Variants in PLEKHA7 observed in about 807,000 individuals in gnomAD.
PLEKHA7 encodes the protein pleckstrin homology domain-containing family A member 7.
In PLEKHA7, 104 loss-of-function variants were observed where a neutral mutation model predicts 170.0. That is an observed-to-expected ratio of 0.61 (90% CI 0.52 to 0.72). The LOEUF (loss-of-function observed/expected upper bound fraction) is 0.72, where lower values mean the gene tolerates loss of function less well. PLEKHA7 is among the 30% of genes least tolerant of loss of function. The probability of loss-of-function intolerance (pLI) is 0.00; values close to 1 mark genes in which losing one functional copy is unlikely to be tolerated. For missense variants in PLEKHA7, 1,615 were observed against 1,671.7 expected (o/e 0.97, Z 0.59); for synonymous variants, 648 against 660.8 (o/e 0.98, Z 0.30).
At chr11:16,962,845 G>GCAA (rs1184241581) in intron 3 of PLEKHA7, among the ~76,000 whole-genome samples, 1 of 152,124 alleles carries the variant, frequency 6.6e-6, no homozygotes, top group African/African-American at 2.4e-5. Context: ...TCTCCCAGAA[G>GCAA]CAACAACAAC....
Position 16,817,276 on chromosome 11 carries a change from G to C in PLEKHA7, c.1390C>G (p.Leu464Val), listed in dbSNP as rs1298122509. ...GTCTGGTAGTTTTCTGGGAAGGACAGGGATTGGCCAGGACCCTGGCGAGGA... is the reference window on the plus strand; with the variant it reads ...GTCTGGTAGTTTTCTGGGAAGGACACGGATTGGCCAGGACCCTGGCGAGGA... ...TLPRQGPGQS[L>V]SFPENYQTLP... The change falls in exon 11 of 27, where the codon CTG becomes GTG. Residue 464 changes from leucine (L) to valine (V), a missense_variant. By Grantham distance (32) the Leu-to-Val change is conservative (BLOSUM62 1). Transcript: ENST00000531066. The surrounding 1 kb of genome is among the most constrained non-coding windows in gnomAD (Gnocchi z 4.4). The C allele has an allele frequency of 6.2e-7, 1 of 1,613,250 alleles. No homozygotes were observed. Among genetic ancestry groups the C allele is most frequent in the Non-Finnish European group, 8.5e-7 (1 of 1,180,034 alleles).
chr11:16,839,071 A>G (rs1484978864), intron 9 of PLEKHA7, among the ~76,000 whole-genome samples: 1 of 152,200 alleles, frequency 6.6e-6, no homozygotes, highest in Admixed American at 6.5e-5. Flanking sequence ...TGAAAGACTC[A>G]CACATGCAGA....
intron 9 of PLEKHA7, among the ~76,000 whole-genome samples, chr11:16,826,967 G>T (rs1328922554): frequency 2.6e-5 from 4 of 152,190 alleles, no homozygotes; most frequent in Non-Finnish European, 5.9e-5. Flanking sequence ...ACAGTGACTG[G>T]TATGGAATAG....
chr11:16,994,281 T>C (rs1864212200), intron 3 of PLEKHA7, among the ~76,000 whole-genome samples: 1 of 152,216 alleles, frequency 6.6e-6, no homozygotes. Context: ...CCCTGGTGTC[T>C]GAGTGGAAGT....
At chr11:17,005,565 G>A (rs546282066) in intron 3 of PLEKHA7, among the ~76,000 whole-genome samples, 5 of 152,068 alleles carry the variant, frequency 3.3e-5, no homozygotes, top group African/African-American at 1.2e-4. Context: ...AGAGAGAATG[G>A]AGAGGGTGCC....
In PLEKHA7 at chr11:16,790,817, G is replaced by A. The variant is rs776685027; in HGVS notation, c.3033C>T (p.Tyr1011=). Residue 1011 remains tyrosine (Y), a synonymous_variant, in exon 21 of 27, where the codon TAC becomes TAT. Transcript: ENST00000531066. ...CCTTACCTCTGCCTGGCAGCGTCTGGTACCTGCTCTCAGGGCCCACAAGTC... is the reference window on the plus strand; with the variant it reads ...CCTTACCTCTGCCTGGCAGCGTCTGATACCTGCTCTCAGGGCCCACAAGTC... ...SLGLVGPESR[Y]QTLPGRGLSG... 26 of 1,608,992 alleles carry A rather than the reference G, an allele frequency of 1.6e-5. No homozygotes were observed. Among genetic ancestry groups the A allele is most frequent in the Non-Finnish European group, 2.0e-5 (24 of 1,177,936 alleles).
At chr11:16,981,882 A>G (rs1464193685) in intron 3 of PLEKHA7, among the ~76,000 whole-genome samples, 1 of 152,178 alleles carries the variant, frequency 6.6e-6, no homozygotes, top group African/African-American at 2.4e-5. Flanking sequence ...ATGGAGCCGG[A>G]ATGCAGGGTC....
intron 9 of PLEKHA7, among the ~76,000 whole-genome samples, chr11:16,831,865 C>T (rs998374445): frequency 1.3e-5 from 2 of 152,234 alleles, no homozygotes; most frequent in Non-Finnish European, 2.9e-5. Flanking sequence ...CTTCACTACC[C>T]AGTAGGTATT....
At chr11:16,979,092 C>T (rs1175901020) in intron 3 of PLEKHA7, among the ~76,000 whole-genome samples, 1 of 152,222 alleles carries the variant, frequency 6.6e-6, no homozygotes, top group Non-Finnish European at 1.5e-5. Context: ...GGCTGGAGCG[C>T]AGTGGCACGA....
intron 26 of PLEKHA7, among the ~76,000 whole-genome samples, chr11:16,781,439 T>C (rs1849015168): frequency 6.6e-6 from 1 of 152,024 alleles, no homozygotes; most frequent in Non-Finnish European, 1.5e-5. Context: ...GAGGAGGGCA[T>C]GGTATGGTGG....
chr11:16,949,051 A>G (rs1309922492), intron 3 of PLEKHA7, among the ~76,000 whole-genome samples: 1 of 151,998 alleles, frequency 6.6e-6, no homozygotes, highest in South Asian at 2.1e-4. Flanking sequence ...CACTCCATAC[A>G]CTGGATTTCT....
chr11:16,833,981 T>TTATATA lies in PLEKHA7; in HGVS notation c.873-7397_873-7392dup, dbSNP rs10525520. Among the ~76,000 whole-genome samples the TTATATA allele has an allele frequency of 7.9e-3, 1,192 of 151,268 alleles. 16 individuals carry two copies. Among genetic ancestry groups the TTATATA allele is most frequent in the African/African-American group, 0.027 (1,121 of 41,200 alleles). On this transcript the variant is annotated intron_variant, in intron 9 of 26. Coordinates refer to ENST00000531066, the MANE Select transcript of PLEKHA7 (RefSeq NM_001329630.2). The stretch of plus-strand genomic sequence containing the variant: ...GGTGGATCACCTGAGCTCAGGAGTT[T>TTATATA]TATATATAGATATATGTTTTTTGTT...
intron 5 of PLEKHA7, 70 bp from the exon 6 acceptor site, chr11:16,855,063 G>A: frequency 1.5e-6 from 2 of 1,333,766 alleles, no homozygotes; most frequent in South Asian, 1.2e-5. Context: ...TTGTATGTTA[G>A]GAGGACCGTC....
rs1026836664 is a variant in PLEKHA7 at position 16,789,595 on chromosome 11, G to A, written c.3156+180C>T. 12 of 639,506 alleles carry A rather than the reference G, an allele frequency of 1.9e-5. No homozygotes were observed. Among genetic ancestry groups the A allele is most frequent in the Non-Finnish European group, 3.2e-5 (12 of 371,982 alleles). The allele number at this position is 639,506 out of a possible 1,614,324, so 39.6% of individuals were successfully genotyped here. A position where few individuals can be genotyped will look rare whatever the true frequency, so the allele number is the denominator to read the frequency against. ...TCCCTCCTGCCACCCTGACAGGCCA[G>A]AGAGAAAGGCAGGATGCCCTCCTTG... is the stretch of plus-strand genomic sequence containing the variant. On this transcript the variant is annotated intron_variant, in intron 22 of 26. Transcript: ENST00000531066. The surrounding 1 kb of genome is among the most constrained non-coding windows in gnomAD (Gnocchi z 4.6).
chr11:16,998,228 G>T (rs1249877188), intron 3 of PLEKHA7, among the ~76,000 whole-genome samples: 1 of 152,140 alleles, frequency 6.6e-6, no homozygotes, highest in Non-Finnish European at 1.5e-5. Context: ...TTCTCAGTGT[G>T]AGAGCCTCAC....
At chr11:16,971,307 T>C (rs553792699) in intron 3 of PLEKHA7, among the ~76,000 whole-genome samples, 2 of 152,364 alleles carry the variant, frequency 1.3e-5, no homozygotes, top group African/African-American at 4.8e-5. Flanking sequence ...TTTTCTTTTA[T>C]CTACTAATGT....
At chr11:16,833,896 A>G (rs565425462) in intron 9 of PLEKHA7, among the ~76,000 whole-genome samples, 2 of 152,302 alleles carry the variant, frequency 1.3e-5, no homozygotes, top group South Asian at 4.2e-4. Context: ...GAAAGGTAAT[A>G]AAAGTGGCCG....
At chr11:16,908,327 A>G (rs1209342648) in intron 3 of PLEKHA7, among the ~76,000 whole-genome samples, 5 of 152,034 alleles carry the variant, frequency 3.3e-5, no homozygotes, top group East Asian at 1.9e-4. Flanking sequence ...TCCTCATCCA[A>G]TATGACTGGT....
chr11:16,922,013 T>C (rs1027908591), intron 3 of PLEKHA7, among the ~76,000 whole-genome samples: 1 of 152,240 alleles, frequency 6.6e-6, no homozygotes, highest in African/African-American at 2.4e-5. Context: ...AGTTCAGCTA[T>C]GCTGTATGCC....
Sources: gnomAD v4.1 joint callset for allele counts (sites outside exome capture counted in the v4.1 genomes callset) on GRCh38, gnomAD v4.1.1 for gene constraint, Gnocchi (gnomAD v3.1) non-coding constraint, MANE v1.5 for transcripts, NCBI Gene and HGNC (gene_info 2026-07-23, HGNC 2026-07-21) for gene names.